CAST: variants seen among roughly 807,000 people sequenced by gnomAD.
CAST encodes the protein calpastatin.
Under a neutral mutation model 119.6 loss-of-function variants are expected in CAST, and 76 were observed. The observed-to-expected ratio is 0.64, with a 90% CI of 0.53 to 0.77. The LOEUF is 0.77. Ranked by LOEUF, CAST falls within the 30% of genes least tolerant of loss-of-function variation. The pLI is 0.00. For synonymous variants in CAST, 319 were observed against 331.6 expected, an observed-to-expected ratio of 0.96 and a Z score of 0.41; for missense variants, 953 against 946.5, an observed-to-expected ratio of 1.01 and a Z score of -0.09.
intron 3 of CAST, among the ~76,000 whole-genome samples, chr5:96,708,542 G>A (rs1383452835): frequency 1.3e-5 from 2 of 152,036 alleles, no homozygotes; most frequent in African/African-American, 4.8e-5. Flanking sequence ...TCAGGCTGGA[G>A]TGCAGTGGCA....
chr5:96,728,317 G>C (rs1179661621), intron 6 of CAST: 1 of 152,192 alleles, frequency 6.6e-6, no homozygotes, highest in African/African-American at 2.4e-5. Flanking sequence ...GTAGAACATA[G>C]GGTACTCCGA....
intron 1 of CAST, among the ~76,000 whole-genome samples, chr5:96,625,335 A>G (rs1343280726): frequency 6.6e-6 from 1 of 151,624 alleles, no homozygotes; most frequent in African/African-American, 2.4e-5. Context: ...AAAGTAGAAT[A>G]TGAATTTCCC....
At chr5:96,713,972 C>CA (rs889445430) in intron 3 of CAST, among the ~76,000 whole-genome samples, 14 of 150,738 alleles carry the variant, frequency 9.3e-5, no homozygotes, top group African/African-American at 2.9e-4. Flanking sequence ...ATACTCTGTC[C>CA]AAAAAAACAA....
chr5:96,240,210 C>G, the CAST span, among the ~76,000 whole-genome samples: 1 of 152,152 alleles, frequency 6.6e-6, no homozygotes, highest in Admixed American at 6.5e-5. Flanking sequence ...TGCTTGATAT[C>G]TATCCACAAA....
the CAST span, among the ~76,000 whole-genome samples, chr5:96,148,823 G>A: frequency 6.6e-6 from 1 of 152,232 alleles, no homozygotes; most frequent in Non-Finnish European, 1.5e-5. Flanking sequence ...AGTGGAAAGA[G>A]CAAGAGGCTA....
chr5:96,228,833 AATAT>A, the CAST span, among the ~76,000 whole-genome samples: 1 of 152,216 alleles, frequency 6.6e-6, no homozygotes, highest in Non-Finnish European at 1.5e-5. Flanking sequence ...AAAATAGAAA[AATAT>A]AAGCAAATGT....
At chr5:96,460,939 T>TTG in the CAST span, among the ~76,000 whole-genome samples, 28 of 71,730 alleles carry the variant, frequency 3.9e-4, no homozygotes, top group African/African-American at 2.0e-3. Context: ...GCTAGTTGCA[T>TTG]TGTGTGACTA....
At chr5:96,388,441 T>G in the CAST span, among the ~76,000 whole-genome samples, 1 of 152,276 alleles carries the variant, frequency 6.6e-6, no homozygotes, top group African/African-American at 2.4e-5. Flanking sequence ...CACACTCTCC[T>G]CACAGCGCTG....
At chr5:96,394,349 A>C in the CAST span, among the ~76,000 whole-genome samples, 1 of 152,228 alleles carries the variant, frequency 6.6e-6, no homozygotes, top group Non-Finnish European at 1.5e-5. Flanking sequence ...TTTTGAGAAA[A>C]AGTGTGATCT....
At chr5:96,063,805 G>A in the CAST span, among the ~76,000 whole-genome samples, 1 of 152,172 alleles carries the variant, frequency 6.6e-6, no homozygotes, top group African/African-American at 2.4e-5. Flanking sequence ...AGAGAGTTTA[G>A]GTGCCTTTCT....
chr5:96,419,133 A>T, the CAST span, among the ~76,000 whole-genome samples: 1 of 152,124 alleles, frequency 6.6e-6, no homozygotes, highest in African/African-American at 2.4e-5. Context: ...TTAAATAACA[A>T]GTGTGACAAG....
At chr5:96,587,280 A>T (rs1327799790) in intron 1 of CAST, among the ~76,000 whole-genome samples, 1 of 152,234 alleles carries the variant, frequency 6.6e-6, no homozygotes, top group Non-Finnish European at 1.5e-5. Flanking sequence ...CAGAAGGTCT[A>T]TAGCATGTGC....
At chr5:96,735,609 G>GGGTC (rs1359815000) in intron 9 of CAST, among the ~76,000 whole-genome samples, 2 of 152,230 alleles carry the variant, frequency 1.3e-5, no homozygotes, top group African/African-American at 2.4e-5. Flanking sequence ...GGGAGGGAGA[G>GGGTC]ATGCTCCAAG....
chr5:96,423,282 A>G, the CAST span: 1 of 1,589,038 alleles, frequency 6.3e-7, no homozygotes, highest in Non-Finnish European at 8.6e-7. Context: ...ACAGCTCCCT[A>G]AGTCACAGTC....
At chr5:96,205,532 G>A in the CAST span, among the ~76,000 whole-genome samples, 3 of 151,966 alleles carry the variant, frequency 2.0e-5, no homozygotes, top group African/African-American at 7.2e-5. Flanking sequence ...TTTACTCAAT[G>A]TTTAGCTCCC....
chr5:96,416,272 C>G, the CAST span: 2,567 of 664,890 alleles, frequency 3.9e-3, 6 homozygotes, highest in Non-Finnish European at 6.3e-3. Context: ...TAACATAAAA[C>G]TTATGTTCAG....
At chr5:96,269,468 T>C in the CAST span, among the ~76,000 whole-genome samples, 1 of 152,188 alleles carries the variant, frequency 6.6e-6, no homozygotes, top group Non-Finnish European at 1.5e-5. Flanking sequence ...ATGAGCCTAA[T>C]TGACTTTTAC....
At chr5:96,266,451 C>T in the CAST span, among the ~76,000 whole-genome samples, 2 of 152,116 alleles carry the variant, frequency 1.3e-5, no homozygotes, top group Non-Finnish European at 2.9e-5. Context: ...ACTAGTAACC[C>T]CAGCCCTGGA....
chr5:96,197,692 C>G, the CAST span, among the ~76,000 whole-genome samples: 1 of 152,152 alleles, frequency 6.6e-6, no homozygotes, highest in African/African-American at 2.4e-5. Context: ...ATTGCTACCC[C>G]CTTCACAAAT....
Sources: allele counts gnomAD v4.1 joint callset (sites outside exome capture counted in the v4.1 genomes callset), GRCh38; gene constraint gnomAD v4.1.1; transcripts MANE v1.5; gene names NCBI Gene and HGNC (gene_info 2026-07-23, HGNC 2026-07-21).